Variants in TENM3 observed in about 807,000 individuals in gnomAD.
The protein encoded by TENM3 is teneurin transmembrane protein 3.
Under a neutral mutation model 255.1 loss-of-function variants are expected in TENM3, and 63 were observed. The ratio of observed to expected loss-of-function variants is 0.25; its 90% CI spans 0.20 to 0.30. TENM3 has a LOEUF of 0.30. Among genes scored for constraint, TENM3 ranks in the 10% least tolerant of loss-of-function variants. TENM3 has a pLI of 1.00. For synonymous variants in TENM3, 1,306 were observed against 1,322.3 expected (o/e 0.99, Z 0.27); for missense variants, 2,929 against 3,461.1 (o/e 0.85, Z 3.86).
chr4:182,362,699 G>A (rs1377246940), intron 3 of TENM3, among the ~76,000 whole-genome samples: 1 of 152,156 alleles, frequency 6.6e-6, no homozygotes, highest in Non-Finnish European at 1.5e-5. Flanking sequence ...GCCTCGCCCT[G>A]CTTCGGCTCG....
At chr4:182,292,847 G>A (rs1460288407) in intron 1 of TENM3, among the ~76,000 whole-genome samples, 2 of 152,196 alleles carry the variant, frequency 1.3e-5, no homozygotes, top group Non-Finnish European at 2.9e-5. Flanking sequence ...CTGTCCAAAG[G>A]TTTTCCATAA....
the TENM3 span, among the ~76,000 whole-genome samples, chr4:181,505,134 T>G: frequency 6.6e-6 from 1 of 152,190 alleles, no homozygotes; most frequent in South Asian, 2.1e-4. Context: ...CGATATCAGG[T>G]GTGCTGTGAG....
At chr4:181,907,764 C>T in the TENM3 span, among the ~76,000 whole-genome samples, 1 of 152,084 alleles carries the variant, frequency 6.6e-6, no homozygotes, top group African/African-American at 2.4e-5. Context: ...ATAGAGCAAG[C>T]GGGATCTGAG....
intron 3 of TENM3, among the ~76,000 whole-genome samples, chr4:182,573,740 C>G (rs528513648): frequency 6.6e-6 from 1 of 152,034 alleles, no homozygotes; most frequent in Non-Finnish European, 1.5e-5. Context: ...TTGAATTGTG[C>G]GATTTCATAT....
chr4:182,484,787 A>C (rs1377403761), intron 3 of TENM3, among the ~76,000 whole-genome samples: 1 of 152,148 alleles, frequency 6.6e-6, no homozygotes, highest in Non-Finnish European at 1.5e-5. Context: ...AAGCTACTTG[A>C]GTTGATACTA....
the TENM3 span, among the ~76,000 whole-genome samples, chr4:182,004,855 C>A: frequency 1.3e-5 from 2 of 152,132 alleles, no homozygotes; most frequent in Non-Finnish European, 2.9e-5. Context: ...TGTTTGTTGA[C>A]CATGTAAATG....
intron 5 of TENM3, among the ~76,000 whole-genome samples, chr4:182,637,720 T>C (rs1751959163): frequency 2.0e-5 from 3 of 152,184 alleles, no homozygotes; most frequent in Non-Finnish European, 4.4e-5. Flanking sequence ...CCTTGCCTCT[T>C]AGAGATTATA....
chr4:181,879,213 A>G, the TENM3 span, among the ~76,000 whole-genome samples: 9 of 152,186 alleles, frequency 5.9e-5, no homozygotes, highest in African/African-American at 2.2e-4. Flanking sequence ...GAAGAATAAT[A>G]TTCCATACAA....
rs191088364 is a variant in TENM3 at position 182,518,287 on chromosome 4, G to A, written c.512-82637G>A. On this transcript the variant is annotated intron_variant, in intron 3 of 27. Coordinates refer to ENST00000511685, the MANE Select transcript of TENM3 (RefSeq NM_001080477.4). ...CCCCAAGATTCCCACCCCTGGGTGC[G>A]CCCATTCTGTATGAATCGTGACTGT... Among the ~76,000 whole-genome samples the A allele has an allele frequency of 3.8e-3, 535 of 140,490 alleles. 2 individuals carry two copies. The highest frequency in any genetic ancestry group is 4.3e-3 in the Non-Finnish European group (266 of 61,908). The allele number at this position is 140,490 out of a possible 152,430, so 92.2% of individuals were successfully genotyped here.
chr4:182,105,244 C>T, the TENM3 span, among the ~76,000 whole-genome samples: 5 of 152,108 alleles, frequency 3.3e-5, no homozygotes, highest in Non-Finnish European at 5.9e-5. Flanking sequence ...TGCAGCTTCC[C>T]AGCCCTCCCC....
At chr4:182,666,861 C>T (rs919269855) in intron 6 of TENM3, among the ~76,000 whole-genome samples, 1 of 151,844 alleles carries the variant, frequency 6.6e-6, no homozygotes, top group Non-Finnish European at 1.5e-5. Flanking sequence ...GATTGGGCCA[C>T]TGCACTCCAG....
chr4:181,615,162 A>C, the TENM3 span, among the ~76,000 whole-genome samples: 1 of 152,028 alleles, frequency 6.6e-6, no homozygotes, highest in Non-Finnish European at 1.5e-5. Context: ...GTAAGCTTTT[A>C]TTTTCAAGAC....
At chr4:182,187,494 CAG>C (rs1753241169) in intron 1 of TENM3, among the ~76,000 whole-genome samples, 1 of 152,156 alleles carries the variant, frequency 6.6e-6, no homozygotes. Flanking sequence ...CAAATGAGGA[CAG>C]ACATCCAAAT....
chr4:182,420,801 A>C (rs1770777428), intron 3 of TENM3, among the ~76,000 whole-genome samples: 1 of 152,216 alleles, frequency 6.6e-6, no homozygotes, highest in African/African-American at 2.4e-5. Flanking sequence ...ATGGCAAACC[A>C]ATAAATCAAC....
chr4:181,865,610 GT>G, the TENM3 span, among the ~76,000 whole-genome samples: 1 of 152,214 alleles, frequency 6.6e-6, no homozygotes, highest in East Asian at 1.9e-4. Flanking sequence ...CACTTTCGTC[GT>G]TGACAACATT....
At chr4:182,157,465 C>T (rs576275777) in intron 1 of TENM3, among the ~76,000 whole-genome samples, 1 of 152,288 alleles carries the variant, frequency 6.6e-6, no homozygotes, top group Non-Finnish European at 1.5e-5. Flanking sequence ...CAGTGCCTGG[C>T]CCTGAAGAGT....
intron 2 of TENM3, among the ~76,000 whole-genome samples, chr4:182,341,961 G>T (rs1764513130): frequency 6.6e-6 from 1 of 152,112 alleles, no homozygotes; most frequent in East Asian, 1.9e-4. Flanking sequence ...ATAAAGTGTG[G>T]TATAAAAGAG....
the TENM3 span, among the ~76,000 whole-genome samples, chr4:181,458,307 T>A: frequency 1.3e-5 from 2 of 151,706 alleles, no homozygotes; most frequent in Non-Finnish European, 3.0e-5. Context: ...TTGAGTGAGG[T>A]TTTTTGCTTT....
At chr4:182,207,198 A>G (rs2149864282) in intron 1 of TENM3, among the ~76,000 whole-genome samples, 1 of 152,332 alleles carries the variant, frequency 6.6e-6, no homozygotes, top group South Asian at 2.1e-4. Context: ...CTTTAGTCAG[A>G]GGTTGCTGCG....
Sources: gnomAD v4.1 joint callset for allele counts (sites outside exome capture counted in the v4.1 genomes callset) on GRCh38, gnomAD v4.1.1 for gene constraint, MANE v1.5 for transcripts, NCBI Gene and HGNC (gene_info 2026-07-23, HGNC 2026-07-21) for gene names.